DNM3: variants seen among roughly 807,000 people sequenced by gnomAD.
DNM3 encodes the protein dynamin 3.
Under a neutral mutation model 101.6 loss-of-function variants are expected in DNM3, and 47 were observed. That is an observed-to-expected ratio of 0.46 (90% CI 0.37 to 0.59). The LOEUF is 0.59. DNM3 is among the 20% of genes least tolerant of loss of function. DNM3 has a pLI of 0.00. For synonymous variants in DNM3, 385 were observed against 387.9 expected (o/e 0.99, Z 0.09); for missense variants, 849 against 1,085.7 (o/e 0.78, Z 3.06).
chr1:172,333,132 T>C (rs1194601090), intron 17 of DNM3, among the ~76,000 whole-genome samples: 3 of 152,180 alleles, frequency 2.0e-5, no homozygotes, highest in Non-Finnish European at 4.4e-5. Context: ...TGTATTTATA[T>C]GAGCATATAA....
chr1:172,194,939 G>T (rs2059892235), intron 14 of DNM3, among the ~76,000 whole-genome samples: 1 of 152,056 alleles, frequency 6.6e-6, no homozygotes, highest in East Asian at 1.9e-4. Context: ...ATTAGTTGAT[G>T]CAGTTTCTTC....
intron 14 of DNM3, among the ~76,000 whole-genome samples, chr1:172,209,762 T>C (rs1249065414): frequency 1.3e-5 from 2 of 152,084 alleles, no homozygotes; most frequent in African/African-American, 4.8e-5. Context: ...GATTTTTCAG[T>C]CTAATATTTC....
intron 5 of DNM3, among the ~76,000 whole-genome samples, chr1:172,032,835 GACAAA>G (rs1377489583): frequency 1.3e-5 from 2 of 152,018 alleles, no homozygotes; most frequent in Non-Finnish European, 2.9e-5. Context: ...CCTGCTATAT[GACAAA>G]ACTGCTAAGA....
intron 17 of DNM3, among the ~76,000 whole-genome samples, chr1:172,359,262 A>G (rs1323033277): frequency 6.6e-6 from 1 of 151,940 alleles, no homozygotes; most frequent in Non-Finnish European, 1.5e-5. Flanking sequence ...GCCGTTGTGT[A>G]AGCATGGTCT....
rs543426617 is a variant in DNM3 at position 172,078,296 on chromosome 1, A to G, written c.1423-3536A>G. The stretch of plus-strand genomic sequence containing the variant: ...TTTAGTAGAGATAGGGTTTCATCAT[A>G]TTAGCCAGGATGTTCTCTATCTCCT... On this transcript the variant is annotated intron_variant, in intron 11 of 20. Transcript: ENST00000627582. 3.9e-5 allele frequency among the ~76,000 whole-genome samples: 6 copies of G among 152,170 alleles called. No homozygotes were observed. In the East Asian group the frequency reaches 1.2e-3, roughly 29 times the overall value.
At chr1:172,020,447 G>A (rs1035743092) in intron 4 of DNM3, among the ~76,000 whole-genome samples, 5 of 152,078 alleles carry the variant, frequency 3.3e-5, no homozygotes, top group Non-Finnish European at 5.9e-5. Context: ...TGGACCCCGC[G>A]CGGTGGCTCA....
intron 15 of DNM3, among the ~76,000 whole-genome samples, chr1:172,273,846 C>G (rs2063176147): frequency 6.6e-6 from 1 of 151,958 alleles, no homozygotes. Flanking sequence ...GTCCTGTGTA[C>G]CCCAGTAGTC....
chr1:172,217,841 A>G (rs988983043), intron 14 of DNM3, among the ~76,000 whole-genome samples: 2 of 152,146 alleles, frequency 1.3e-5, no homozygotes, highest in African/African-American at 4.8e-5. Flanking sequence ...ATTTGGAAAA[A>G]TACATAAACT....
intron 2 of DNM3, among the ~76,000 whole-genome samples, chr1:171,951,760 A>C (rs886413024): frequency 1.3e-5 from 2 of 152,212 alleles, no homozygotes; most frequent in Non-Finnish European, 2.9e-5. Context: ...AAAACATTTC[A>C]AAAGGTTTAT....
At position 172,409,618 on chromosome 1, in the gene DNM3, A is replaced by G. The variant is rs563443540; in HGVS notation, c.*1777A>G. 1 of 985,722 alleles carries G rather than the reference A, an allele frequency of 1.0e-6. No homozygotes were observed. The highest frequency in any genetic ancestry group is 1.1e-4 in the East Asian group (1 of 8,810). The allele number at this position is 985,722 out of a possible 1,614,324, so 61.1% of individuals were successfully genotyped here. ...GGGAAAAAAAGTTAACTCTTTGTGA[A>G]TGGAACCAATGTGCAAGATACATAC... On this transcript the variant is annotated 3_prime_UTR_variant, in exon 21 of 21. Coordinates refer to ENST00000627582, the MANE Select transcript of DNM3 (RefSeq NM_015569.5).
intron 11 of DNM3, among the ~76,000 whole-genome samples, chr1:172,073,012 A>T (rs1488205345): frequency 1.3e-5 from 2 of 152,220 alleles, no homozygotes; most frequent in African/African-American, 4.8e-5. Flanking sequence ...TTCTAAGGAT[A>T]AAATGGTGAA....
At chr1:171,919,806 A>T (rs1302305167) in intron 1 of DNM3, among the ~76,000 whole-genome samples, 1 of 152,128 alleles carries the variant, frequency 6.6e-6, no homozygotes, top group Non-Finnish European at 1.5e-5. Flanking sequence ...CTGAACTCCA[A>T]TGTAGTTTAT....
chr1:172,078,837 G>T (rs1307180309), intron 11 of DNM3, among the ~76,000 whole-genome samples: 1 of 152,042 alleles, frequency 6.6e-6, no homozygotes, highest in Non-Finnish European at 1.5e-5. Context: ...AAATCACTCA[G>T]CATTTGCTAG....
intron 17 of DNM3, among the ~76,000 whole-genome samples, chr1:172,366,958 C>T (rs902355423): frequency 3.2e-4 from 49 of 151,734 alleles, no homozygotes; most frequent in African/African-American, 1.2e-3. Context: ...TAGCTGAAAC[C>T]TTTGCGTGTC....
At chr1:172,210,525 C>CTGGA (rs1213789699) in intron 14 of DNM3, among the ~76,000 whole-genome samples, 1 of 151,850 alleles carries the variant, frequency 6.6e-6, no homozygotes, top group Non-Finnish European at 1.5e-5. Context: ...GGAAGCTGAG[C>CTGGA]TGGAACTTAA....
At chr1:172,234,668 A>T (rs1161683205) in intron 14 of DNM3, among the ~76,000 whole-genome samples, 2 of 152,142 alleles carry the variant, frequency 1.3e-5, no homozygotes, top group African/African-American at 4.8e-5. Context: ...ACAGCATGGT[A>T]CTGGTACCAA....
At chr1:172,125,750 C>G (rs540010211) in intron 13 of DNM3, among the ~76,000 whole-genome samples, 6 of 152,132 alleles carry the variant, frequency 3.9e-5, no homozygotes, top group Non-Finnish European at 7.3e-5. Flanking sequence ...CTCGAATACT[C>G]AAAACAGAAT....
chr1:171,953,569 A>G (rs1205118130), intron 2 of DNM3, among the ~76,000 whole-genome samples: 1 of 151,898 alleles, frequency 6.6e-6, no homozygotes, highest in Non-Finnish European at 1.5e-5. Flanking sequence ...CTGGGATTAC[A>G]GGCACATGCC....
chr1:172,103,196 A>G (rs1020945909), intron 13 of DNM3, among the ~76,000 whole-genome samples: 5 of 152,172 alleles, frequency 3.3e-5, no homozygotes, highest in African/African-American at 7.2e-5. Context: ...ACACAAGCAC[A>G]TGGGTACACA....
Sources: gnomAD v4.1 joint callset for allele counts (sites outside exome capture counted in the v4.1 genomes callset) on GRCh38, gnomAD v4.1.1 for gene constraint, MANE v1.5 for transcripts, NCBI Gene and HGNC (gene_info 2026-07-23, HGNC 2026-07-21) for gene names.